Variants in DEPTOR observed in about 807,000 individuals in gnomAD.
The protein encoded by DEPTOR is DEP domain containing MTOR interacting protein.
Under a neutral mutation model 41.6 loss-of-function variants are expected in DEPTOR, and 41 were observed. The ratio of observed to expected loss-of-function variants is 0.98; its 90% CI spans 0.77 to 1.28. The LOEUF is 1.28. DEPTOR is among the 50% of genes most tolerant of loss of function. The pLI, the probability that DEPTOR is intolerant of heterozygous loss-of-function variation, is 0.00. For missense variants in DEPTOR, 514 were observed against 527.9 expected (o/e 0.97, Z 0.26); for synonymous variants, 195 against 192.3 (o/e 1.01, Z -0.12).
intron 1 of DEPTOR, among the ~76,000 whole-genome samples, chr8:119,911,855 C>G (rs917857521): frequency 6.6e-6 from 1 of 152,182 alleles, no homozygotes; most frequent in Admixed American, 6.6e-5. Flanking sequence ...CTGTACTACA[C>G]TATGGTTTCC....
rs183499348 is a variant in DEPTOR at position 119,955,373 on chromosome 8, A to C, written c.426-9859A>C. Among the ~76,000 whole-genome samples the C allele has an allele frequency of 4.3e-3, 654 of 152,128 alleles. 4 individuals carry two copies. Among genetic ancestry groups the C allele is most frequent in the African/African-American group, 0.015 (626 of 41,470 alleles). ...AAACATGCCTAATCCAAGCCTATGG[A>C]AACTTGCTACTTACGTTTTCTTTCA... On this transcript the variant is annotated intron_variant, in intron 3 of 8. Coordinates refer to ENST00000286234, the MANE Select transcript of DEPTOR (RefSeq NM_022783.4).
chr8:120,035,381 T>C (rs1473212126), intron 8 of DEPTOR, among the ~76,000 whole-genome samples: 1 of 152,058 alleles, frequency 6.6e-6, no homozygotes, highest in Non-Finnish European at 1.5e-5. Flanking sequence ...AACCCCTCCT[T>C]CCCATCCCAC....
Position 120,049,907 on chromosome 8 carries a change from G to A in DEPTOR, c.*203G>A. On this transcript the variant is annotated 3_prime_UTR_variant, in exon 9 of 9. Transcript: ENST00000286234. Reference sequence around the variant, plus strand: ...ATCTTTTTTAAAAAATGTCAGTGTAGAAAACATTTGGGAAACCATTTTCCT... The same window carrying A: ...ATCTTTTTTAAAAAATGTCAGTGTAAAAAACATTTGGGAAACCATTTTCCT... 2.0e-6 allele frequency: 1 copy of A among 507,006 alleles called. No homozygotes were observed. The highest frequency in any genetic ancestry group is 3.1e-6 in the Non-Finnish European group (1 of 321,536). 31.4% of individuals were successfully genotyped at this position (507,006 alleles called of 1,614,324 possible). A position where few individuals can be genotyped will look rare whatever the true frequency, so the allele number is the denominator to read the frequency against.
chr8:120,020,809 A>T (rs1812692010), intron 8 of DEPTOR, among the ~76,000 whole-genome samples: 1 of 152,184 alleles, frequency 6.6e-6, no homozygotes. Context: ...CTGTAATCTC[A>T]GTACTTTGGG....
At chr8:120,010,442 C>T (rs772642485) in intron 8 of DEPTOR, among the ~76,000 whole-genome samples, 3 of 151,832 alleles carry the variant, frequency 2.0e-5, no homozygotes, top group Admixed American at 1.3e-4. Context: ...TGGTGAAACC[C>T]GGTCTCTACT....
At position 119,914,842 on chromosome 8, in the gene DEPTOR, G is replaced by A. The variant is rs557668491; in HGVS notation, c.123-13558G>A. 5.3e-5 allele frequency among the ~76,000 whole-genome samples: 8 copies of A among 152,320 alleles called. No homozygotes were observed. The East Asian group carries it at 1.3e-3, about 26-fold the overall frequency. On this transcript the variant is annotated intron_variant, in intron 1 of 8. Coordinates refer to ENST00000286234, the MANE Select transcript of DEPTOR (RefSeq NM_022783.4). Reference sequence around the variant, plus strand: ...CTTCTGTGTTTTACAAGCCCTTCAGGTGATTCTAACACAGTCTATTTGTGA... The same window carrying A: ...CTTCTGTGTTTTACAAGCCCTTCAGATGATTCTAACACAGTCTATTTGTGA...
At chr8:119,911,914 G>A (rs561283866) in intron 1 of DEPTOR, among the ~76,000 whole-genome samples, 3 of 152,144 alleles carry the variant, frequency 2.0e-5, no homozygotes, top group Non-Finnish European at 4.4e-5. Flanking sequence ...TTATACTCAC[G>A]AAGTGTCATT....
Position 119,928,837 on chromosome 8 carries a change from C to T in DEPTOR, c.301+259C>T, listed in dbSNP as rs145803576. 4.8e-3 allele frequency among the ~76,000 whole-genome samples: 720 copies of T among 151,476 alleles called. 5 individuals carry two copies. The highest frequency in any genetic ancestry group is 0.015 in the African/African-American group (639 of 41,278). On this transcript the variant is annotated intron_variant, in intron 2 of 8. Transcript: ENST00000286234. Reference sequence around the variant, plus strand: ...AACTCCTGACTTTGGGTGATCTGCCCGCCTCAGCCCCCCAAAGTGCTGGGA... The same window carrying T: ...AACTCCTGACTTTGGGTGATCTGCCTGCCTCAGCCCCCCAAAGTGCTGGGA...
At chr8:119,896,559 G>T (rs1490602294) in intron 1 of DEPTOR, among the ~76,000 whole-genome samples, 3 of 152,142 alleles carry the variant, frequency 2.0e-5, no homozygotes, top group African/African-American at 7.2e-5. Context: ...GAGTGCAGTG[G>T]CATCATCTCA....
intron 8 of DEPTOR, among the ~76,000 whole-genome samples, chr8:120,010,145 T>C (rs944211388): frequency 6.6e-6 from 1 of 151,610 alleles, no homozygotes; most frequent in African/African-American, 2.4e-5. Flanking sequence ...TTATAGCATC[T>C]CAGAGTCTGT....
At position 119,942,173 on chromosome 8, in the gene DEPTOR, G is replaced by A. The variant is rs114742048; in HGVS notation, c.425+12235G>A. ...CAGATTTCTAGCTCTGGCTTAGTATGTAGAAGTGACTTGATTTATTTTTTA... is the reference window on the plus strand; with the variant it reads ...CAGATTTCTAGCTCTGGCTTAGTATATAGAAGTGACTTGATTTATTTTTTA... On this transcript the variant is annotated intron_variant, in intron 3 of 8. Transcript: ENST00000286234. Among the ~76,000 whole-genome samples the A allele has an allele frequency of 2.7e-3, 412 of 152,274 alleles. 1 individual carries two copies. The highest frequency in any genetic ancestry group is 9.4e-3 in the African/African-American group (389 of 41,568).
At chr8:119,961,629 G>A (rs184556582) in intron 3 of DEPTOR, among the ~76,000 whole-genome samples, 21 of 152,212 alleles carry the variant, frequency 1.4e-4, no homozygotes, top group African/African-American at 4.6e-4. Context: ...TAGAGTGAGT[G>A]TTTGCATGAC....
chr8:119,990,129 T>G (rs191478513), intron 4 of DEPTOR, among the ~76,000 whole-genome samples: 173 of 152,332 alleles, frequency 1.1e-3, no homozygotes, highest in Non-Finnish European at 2.1e-3. Flanking sequence ...TTCTAGTCTT[T>G]GGAATGTACC....
At chr8:119,955,154 G>C (rs1037157384) in intron 3 of DEPTOR, among the ~76,000 whole-genome samples, 1 of 151,120 alleles carries the variant, frequency 6.6e-6, no homozygotes, top group Non-Finnish European at 1.5e-5. Flanking sequence ...CACTGCACCC[G>C]GCCTCTATGA....
At chr8:119,921,748 G>GTTTTTTTTCTTTT (rs1827896828) in intron 1 of DEPTOR, among the ~76,000 whole-genome samples, 1 of 131,134 alleles carries the variant, frequency 7.6e-6, no homozygotes, top group African/African-American at 3.0e-5. Context: ...CTATTCTGTA[G>GTTTTTTTTCTTTT]TTTTTTTTTT....
At chr8:120,014,388 C>T (rs771222564) in intron 8 of DEPTOR, among the ~76,000 whole-genome samples, 3 of 152,188 alleles carry the variant, frequency 2.0e-5, no homozygotes, top group Non-Finnish European at 2.9e-5. Context: ...GTGCAAGGCT[C>T]TTTCGCTACA....
At chr8:119,954,875 T>TGTGTGTGTGTGTGTGTGTG in intron 3 of DEPTOR, among the ~76,000 whole-genome samples, 1 of 150,390 alleles carries the variant, frequency 6.6e-6, no homozygotes, top group African/African-American at 2.4e-5. Flanking sequence ...TGTGTGTGTG[T>TGTGTGTGTGTGTGTGTGTG]TTTGAGACAG....
chr8:120,006,873 A>G lies in DEPTOR; in HGVS notation c.994A>G (p.Thr332Ala), dbSNP rs1047618201. ...GGCTCCGTATGCAAGGAAGACATTC[A>G]CGGTAGGCTGATGGTCTGGCCTTTT... The part of the protein sequence containing the change: ...PGAPYARKTF[T>A]IVGDAVGWGF... The change falls in exon 7 of 9, where the codon ACG becomes GCG. Residue 332 changes from threonine (T) to alanine (A), a missense_variant and splice_region_variant. Thr to Ala is a moderately conservative substitution (Grantham distance 58, BLOSUM62 0). Transcript: ENST00000286234. The G allele has an allele frequency of 6.2e-7, 1 of 1,614,064 alleles. No homozygotes were observed. The highest frequency in any genetic ancestry group is 8.5e-7 in the Non-Finnish European group (1 of 1,180,028).
chr8:120,044,071 C>CAAAA (rs371815554), intron 8 of DEPTOR, among the ~76,000 whole-genome samples: 76 of 90,252 alleles, frequency 8.4e-4, no homozygotes, highest in African/African-American at 2.5e-3. Context: ...GCTAGCCTAA[C>CAAAA]AAAAAAAAAA....
Sources: allele counts gnomAD v4.1 joint callset (sites outside exome capture counted in the v4.1 genomes callset), GRCh38; gene constraint gnomAD v4.1.1; transcripts MANE v1.5; gene names NCBI Gene and HGNC (gene_info 2026-07-23, HGNC 2026-07-21).